The following GLB1 variants were observed in gnomAD, a reference collection of about 807,000 sequenced individuals.
GLB1 encodes galactosidase beta 1, also known as beta-galactosidase.
In GLB1, 56 loss-of-function variants were observed where a neutral mutation model predicts 74.0. That is an observed-to-expected ratio of 0.76 (90% confidence interval 0.61 to 0.94). The LOEUF (loss-of-function observed/expected upper bound fraction) is 0.94, where lower values mean the gene tolerates loss of function less well. Ranked by LOEUF, GLB1 falls within the 40% of genes least tolerant of loss-of-function variation. The pLI is 0.00. For synonymous variants in GLB1, 323 were observed against 323.6 expected, an observed-to-expected ratio of 1.00 and a Z score of 0.02; for missense variants, 787 against 845.5, an observed-to-expected ratio of 0.93 and a Z score of 0.86.
At chr3:32,997,369 A>G (rs748377609) in intron 15 of GLB1, 25 bp from the exon 16 acceptor site, 151 of 1,611,690 alleles carry the variant, frequency 9.4e-5, no homozygotes, top group Middle Eastern at 8.7e-4. Flanking sequence ...ACAGAGAACC[A>G]TCAACCCCAG....
the GLB1 span, among the ~76,000 whole-genome samples, chr3:32,967,436 G>A: frequency 2.6e-5 from 4 of 152,178 alleles, no homozygotes; most frequent in African/African-American, 4.8e-5. Flanking sequence ...GCATGGTGGT[G>A]TGTGCCTATA....
intron 7 of GLB1, among the ~76,000 whole-genome samples, chr3:33,052,341 T>A (rs1296120132): frequency 6.6e-6 from 1 of 152,172 alleles, no homozygotes; most frequent in African/African-American, 2.4e-5. Flanking sequence ...TTTTATAGAA[T>A]AACAGCTCCA....
the GLB1 span, among the ~76,000 whole-genome samples, chr3:32,975,192 C>T: frequency 6.6e-6 from 1 of 152,138 alleles, no homozygotes; most frequent in Non-Finnish European, 1.5e-5. Context: ...AGTGATCCTC[C>T]CACCTCAGCC....
At chr3:32,962,251 T>C in the GLB1 span, among the ~76,000 whole-genome samples, 2 of 151,674 alleles carry the variant, frequency 1.3e-5, no homozygotes, top group Non-Finnish European at 1.5e-5. Context: ...AGGAGACAAC[T>C]ACATGTCATT....
intron 1 of GLB1, among the ~76,000 whole-genome samples, chr3:33,085,749 C>T (rs941645967): frequency 1.3e-5 from 2 of 151,858 alleles, no homozygotes; most frequent in Non-Finnish European, 2.9e-5. Context: ...GACAGGGCTC[C>T]AACCAGCTCA....
intron 15 of GLB1, among the ~76,000 whole-genome samples, chr3:33,003,257 T>A (rs1458207202): frequency 6.6e-6 from 1 of 152,238 alleles, no homozygotes; most frequent in African/African-American, 2.4e-5. Context: ...TTCTTTTTCC[T>A]TCTCAACTTC....
At chr3:33,088,853 T>C (rs1391092256) in intron 1 of GLB1, among the ~76,000 whole-genome samples, 1 of 152,162 alleles carries the variant, frequency 6.6e-6, no homozygotes, top group East Asian at 1.9e-4. Flanking sequence ...AAGAGCAAAG[T>C]TGAAAGACTC....
At chr3:33,070,972 C>G (rs562316372) in intron 2 of GLB1, among the ~76,000 whole-genome samples, 1 of 151,986 alleles carries the variant, frequency 6.6e-6, no homozygotes, top group Non-Finnish European at 1.5e-5. Context: ...ATTTTTAGTA[C>G]GTGTAGGAAA....
intron 5 of GLB1, among the ~76,000 whole-genome samples, chr3:33,063,533 C>G (rs527714176): frequency 6.6e-6 from 1 of 152,252 alleles, no homozygotes; most frequent in Non-Finnish European, 1.5e-5. Flanking sequence ...TATCTCCACA[C>G]AGTCAACTTC....
At chr3:33,079,930 G>A (rs558187605) in intron 1 of GLB1, among the ~76,000 whole-genome samples, 5 of 152,098 alleles carry the variant, frequency 3.3e-5, no homozygotes, top group African/African-American at 1.2e-4. Flanking sequence ...ACAGGGGTGC[G>A]CCACCATGCT....
chr3:33,096,921 C>G lies in GLB1; in HGVS notation c.75+90G>C, dbSNP rs149553048. ...TTCGGGGCTCAGGCTCCCCGCCCTG[C>G]GGGACCGCGGGTGGCTGCGACCCCA... is the stretch of plus-strand genomic sequence containing the variant. On this transcript the variant is annotated intron_variant, in intron 1 of 15. Coordinates refer to ENST00000307363, the MANE Select transcript of GLB1 (RefSeq NM_000404.4). 5.2e-6 allele frequency: 8 copies of G among 1,538,942 alleles called. No homozygotes were observed. The East Asian group carries it at 1.0e-4, about 20-fold the overall frequency.
chr3:33,011,847 GTA>G (rs897176208), intron 15 of GLB1, among the ~76,000 whole-genome samples: 3 of 152,098 alleles, frequency 2.0e-5, no homozygotes, highest in African/African-American at 7.2e-5. Flanking sequence ...TTATATTCAA[GTA>G]TTCCTGTTCG....
chr3:33,078,928 T>TG (rs1229310006), intron 1 of GLB1, among the ~76,000 whole-genome samples: 5 of 152,222 alleles, frequency 3.3e-5, no homozygotes, highest in Non-Finnish European at 5.9e-5. Context: ...ATGGCAGTCT[T>TG]GAACTCCTGG....
At chr3:32,990,431 C>A in the GLB1 span, among the ~76,000 whole-genome samples, 1 of 152,050 alleles carries the variant, frequency 6.6e-6, no homozygotes, top group Non-Finnish European at 1.5e-5. Flanking sequence ...AGAAATGTGT[C>A]CTACACAGTG....
At chr3:33,015,220 G>A (rs1003086286) in intron 14 of GLB1, among the ~76,000 whole-genome samples, 2 of 152,176 alleles carry the variant, frequency 1.3e-5, no homozygotes, top group African/African-American at 4.8e-5. Flanking sequence ...ATCCCACTGC[G>A]GATGGAGCAG....
chr3:33,018,531 GTGT>G lies in GLB1; in HGVS notation c.1261_1263del (p.Thr421del). ...GCTGGGTTGCTGCAATCTTGAGGAA[GTGT>G]TGTCCGGTACAGCACAAACCCATAA... On this transcript the variant is annotated inframe_deletion, in exon 13 of 16. Coordinates refer to ENST00000307363, the MANE Select transcript of GLB1 (RefSeq NM_000404.4). 1 of 1,614,022 alleles carries G rather than the reference GTGT, an allele frequency of 6.2e-7. No individual in the cohort carries two copies. Among genetic ancestry groups the G allele is most frequent in the African/African-American group, 1.3e-5 (1 of 74,984 alleles).
intron 9 of GLB1, among the ~76,000 whole-genome samples, chr3:33,049,969 T>C (rs6550199): frequency 0.97 from 147,743 of 152,306 alleles, 71,813 homozygotes; most frequent in East Asian, 1. Flanking sequence ...TAAGAGCTGA[T>C]AGTATCCAAT....
chr3:33,045,246 T>C, intron 10 of GLB1: 2 of 235,386 alleles, frequency 8.5e-6, no homozygotes, highest in Non-Finnish European at 1.2e-5. Context: ...AGACTCACTC[T>C]TTTTTTTTTT....
At chr3:33,096,888 G>A in intron 1 of GLB1, 123 bp downstream of exon 1, 1 of 1,484,478 alleles carries the variant, frequency 6.7e-7, no homozygotes, top group Non-Finnish European at 9.0e-7. Flanking sequence ...GAGCCTGCTG[G>A]GGGGCACTTC....
Sources: gnomAD v4.1 joint callset for allele counts (sites outside exome capture counted in the v4.1 genomes callset) on GRCh38, gnomAD v4.1.1 for gene constraint, MANE v1.5 for transcripts, NCBI Gene and HGNC (gene_info 2026-07-23, HGNC 2026-07-21) for gene names.